ULK4: variants seen among roughly 807,000 people sequenced by gnomAD.
The protein encoded by ULK4 is inactive serine/threonine-protein kinase ULK4.
In ULK4, 133 loss-of-function variants were observed where a neutral mutation model predicts 160.6. That is an observed-to-expected ratio of 0.83 (90% CI 0.72 to 0.96). The LOEUF (loss-of-function observed/expected upper bound fraction) is 0.96. Ranked by LOEUF, ULK4 falls within the 40% of genes least tolerant of loss-of-function variation. The pLI, the probability that ULK4 is intolerant of heterozygous loss-of-function variation, is 0.00. For missense variants in ULK4, 1,580 were observed against 1,499.5 expected, an observed-to-expected ratio of 1.05 and a Z score of -0.89; for synonymous variants, 534 against 539.8, an observed-to-expected ratio of 0.99 and a Z score of 0.15.
chr3:41,332,918 G>A (rs1437793078), intron 35 of ULK4, among the ~76,000 whole-genome samples: 1 of 152,174 alleles, frequency 6.6e-6, no homozygotes, highest in Non-Finnish European at 1.5e-5. Context: ...TTGGTGATCT[G>A]TTTCTGCGTT....
chr3:41,614,635 C>T (rs74629009), intron 31 of ULK4, among the ~76,000 whole-genome samples: 14 of 152,204 alleles, frequency 9.2e-5, no homozygotes, highest in African/African-American at 3.4e-4. Flanking sequence ...GTCACCTGAA[C>T]ATGCTTTGGG....
intron 22 of ULK4, among the ~76,000 whole-genome samples, chr3:41,735,706 T>TTATTATTATTA (rs1386469889): frequency 1.1e-3 from 160 of 150,002 alleles, no homozygotes; most frequent in African/African-American, 3.8e-3. Context: ...ATTATTATTA[T>TTATTATTATTA]TATTATTATA....
chr3:41,365,027 C>A (rs932670032), intron 35 of ULK4, among the ~76,000 whole-genome samples: 2 of 152,166 alleles, frequency 1.3e-5, no homozygotes, highest in African/African-American at 2.4e-5. Flanking sequence ...AAGTCTGAGA[C>A]CAAATTTTGA....
rs182237374 is a variant in ULK4, at chr3:41,659,404, T to C, written c.3071+4203A>G. Among the ~76,000 whole-genome samples the C allele has an allele frequency of 9.8e-5, 15 of 152,322 alleles. No homozygotes were observed. The East Asian group carries it at 2.1e-3, about 22-fold the overall frequency. On this transcript the variant is annotated intron_variant, in intron 30 of 36. Coordinates refer to ENST00000301831, the MANE Select transcript of ULK4 (RefSeq NM_017886.4). The stretch of plus-strand genomic sequence containing the variant: ...AGAGGATTTGGTTTGAAAAGTAGCA[T>C]TGCCCAGACCAACGAACTATTGGCA...
chr3:41,805,460 T>A (rs769319308), intron 19 of ULK4, among the ~76,000 whole-genome samples: 5 of 152,220 alleles, frequency 3.3e-5, no homozygotes, highest in African/African-American at 9.6e-5. Context: ...CTTTTCCTAA[T>A]TGAATATCTT....
At chr3:41,435,767 T>C (rs2083019337) in intron 34 of ULK4, among the ~76,000 whole-genome samples, 1 of 152,028 alleles carries the variant, frequency 6.6e-6, no homozygotes, top group African/African-American at 2.4e-5. Flanking sequence ...ACCAACATAG[T>C]GAAACCCTAT....
chr3:41,252,714 CAG>C (rs1248957656), intron 35 of ULK4, among the ~76,000 whole-genome samples: 1 of 150,372 alleles, frequency 6.7e-6, no homozygotes, highest in Non-Finnish European at 1.5e-5. Context: ...AATGAGAGGA[CAG>C]AGAATAAATG....
At chr3:41,566,421 G>A (rs2087785861) in intron 31 of ULK4, among the ~76,000 whole-genome samples, 1 of 152,118 alleles carries the variant, frequency 6.6e-6, no homozygotes, top group East Asian at 1.9e-4. Flanking sequence ...GGTGACAAAG[G>A]AATTCAAGTA....
intron 32 of ULK4, among the ~76,000 whole-genome samples, chr3:41,467,246 G>A (rs77811463): frequency 0.016 from 2,441 of 152,216 alleles, 59 homozygotes; most frequent in African/African-American, 0.051. Flanking sequence ...TCCAAACTGC[G>A]GCCAGGCACC....
chr3:41,719,047 A>C (rs1053068346), intron 22 of ULK4, among the ~76,000 whole-genome samples: 5 of 152,168 alleles, frequency 3.3e-5, no homozygotes, highest in African/African-American at 1.2e-4. Context: ...CACTATCTCT[A>C]AAGTCACATG....
chr3:41,857,260 T>G (rs1011866522), intron 17 of ULK4, among the ~76,000 whole-genome samples: 2 of 152,172 alleles, frequency 1.3e-5, no homozygotes, highest in Non-Finnish European at 2.9e-5. Context: ...ACTTCATATC[T>G]CCTCCTCTAC....
At chr3:41,905,974 T>C (rs1374535047) in intron 12 of ULK4, among the ~76,000 whole-genome samples, 1 of 151,768 alleles carries the variant, frequency 6.6e-6, no homozygotes, top group East Asian at 1.9e-4. Context: ...TCCTAGCACT[T>C]TGGGAGTCCG....
intron 17 of ULK4, among the ~76,000 whole-genome samples, chr3:41,864,785 T>C (rs1308849372): frequency 2.0e-5 from 3 of 152,188 alleles, no homozygotes; most frequent in African/African-American, 4.8e-5. Context: ...CCTGTTATAG[T>C]GGATAGTGTC....
At chr3:41,922,076 C>G (rs1699204874) in intron 5 of ULK4, among the ~76,000 whole-genome samples, 1 of 152,042 alleles carries the variant, frequency 6.6e-6, no homozygotes, top group Non-Finnish European at 1.5e-5. Flanking sequence ...TGGCATGAAC[C>G]CAGGAGGCGG....
At chr3:41,461,866 T>C (rs1388837337) in intron 33 of ULK4, among the ~76,000 whole-genome samples, 1 of 152,146 alleles carries the variant, frequency 6.6e-6, no homozygotes, top group Admixed American at 6.6e-5. Flanking sequence ...AATCTACCAC[T>C]ATGGAAACTG....
intron 2 of ULK4, among the ~76,000 whole-genome samples, chr3:41,951,144 CAAAAAAAAAAAAA>C (rs34524276): frequency 1.5e-5 from 1 of 64,656 alleles, no homozygotes; most frequent in Non-Finnish European, 2.5e-5. Flanking sequence ...GGCTTCGTCT[CAAAAAAAAAAAAA>C]AAAAAAAAAA....
At chr3:41,322,559 C>T (rs2080265958) in intron 35 of ULK4, among the ~76,000 whole-genome samples, 1 of 152,162 alleles carries the variant, frequency 6.6e-6, no homozygotes, top group Admixed American at 6.5e-5. Context: ...CTGAGTCCCA[C>T]CCTAACCTAA....
chr3:41,660,955 T>C, intron 30 of ULK4, among the ~76,000 whole-genome samples: 1 of 152,222 alleles, frequency 6.6e-6, no homozygotes, highest in East Asian at 1.9e-4. Context: ...GTTAGTGTTC[T>C]ATATTATGGC....
chr3:41,550,244 C>G (rs774818816), intron 32 of ULK4, among the ~76,000 whole-genome samples: 4 of 151,964 alleles, frequency 2.6e-5, no homozygotes, highest in Non-Finnish European at 4.4e-5. Flanking sequence ...ATATGCAAAA[C>G]AACCAGAAGA....
Sources: allele counts gnomAD v4.1 joint callset (sites outside exome capture counted in the v4.1 genomes callset), GRCh38; gene constraint gnomAD v4.1.1; transcripts MANE v1.5; gene names NCBI Gene and HGNC (gene_info 2026-07-23, HGNC 2026-07-21).